The following ZNF804B variants were observed in gnomAD, a reference collection of about 807,000 sequenced individuals.
The protein encoded by ZNF804B is zinc finger 804B.
In ZNF804B, 80 loss-of-function variants were observed where a neutral mutation model predicts 101.4. The observed-to-expected ratio is 0.79, with a 90% CI of 0.66 to 0.95. ZNF804B has a LOEUF of 0.95. ZNF804B is among the 40% of genes least tolerant of loss of function. The probability of loss-of-function intolerance (pLI) is 0.00; values close to 1 mark genes in which losing one functional copy is unlikely to be tolerated. For missense variants in ZNF804B, 1,673 were observed against 1,561.9 expected (o/e 1.07, Z -1.20); for synonymous variants, 622 against 558.8 (o/e 1.11, Z -1.59).
At chr7:89,045,387 C>T (rs1789089674) in intron 1 of ZNF804B, among the ~76,000 whole-genome samples, 1 of 152,194 alleles carries the variant, frequency 6.6e-6, no homozygotes, top group Non-Finnish European at 1.5e-5. Context: ...CCTAGTAGAG[C>T]TGTTAGAAAA....
rs543127229 is a variant in ZNF804B, at chr7:89,333,578, T to C, written c.596T>C (p.Phe199Ser). Reference sequence around the variant, plus strand: ...TTACAATCAGACAGGCGTTGTTTGTTTGGAAATCAGGTACTGCAAACATCT... The same window carrying C: ...TTACAATCAGACAGGCGTTGTTTGTCTGGAAATCAGGTACTGCAAACATCT... ...HQLQSDRRCL[F>S]GNQVLQTSSD... The change falls in exon 4 of 4, where the codon TTT becomes TCT. Residue 199 changes from phenylalanine (F) to serine (S), a missense_variant. Physicochemically the swap from Phe to Ser is radical, Grantham distance 155. Coordinates refer to ENST00000333190, the MANE Select transcript of ZNF804B (RefSeq NM_181646.5). 7 of 1,613,534 alleles carry C rather than the reference T, an allele frequency of 4.3e-6. 1 individual carries two copies. In the South Asian group the frequency reaches 7.7e-5, roughly 18 times the overall value.
At chr7:89,272,531 G>A (rs764880182) in intron 2 of ZNF804B, among the ~76,000 whole-genome samples, 39 of 152,040 alleles carry the variant, frequency 2.6e-4, no homozygotes, top group Non-Finnish European at 4.4e-4. Context: ...CAAAACAAAG[G>A]TAATTGAAGT....
At chr7:89,295,099 C>T (rs1790361111) in intron 2 of ZNF804B, among the ~76,000 whole-genome samples, 1 of 152,106 alleles carries the variant, frequency 6.6e-6, no homozygotes, top group African/African-American at 2.4e-5. Context: ...ATATACCTTT[C>T]CTGCCTCTGC....
chr7:88,998,782 G>A (rs566253988), intron 1 of ZNF804B, among the ~76,000 whole-genome samples: 17 of 152,078 alleles, frequency 1.1e-4, no homozygotes, highest in Non-Finnish European at 2.4e-4. Flanking sequence ...TACAATACGG[G>A]ATAATTGGGC....
At chr7:89,244,553 ACT>A (rs912516393) in intron 2 of ZNF804B, among the ~76,000 whole-genome samples, 8 of 152,262 alleles carry the variant, frequency 5.3e-5, no homozygotes, top group African/African-American at 1.9e-4. Flanking sequence ...AAAAGCTGTA[ACT>A]CTGAGTGAAA....
chr7:89,097,650 TATA>T (rs1339084074), intron 1 of ZNF804B, among the ~76,000 whole-genome samples: 1 of 152,112 alleles, frequency 6.6e-6, no homozygotes, highest in African/African-American at 2.4e-5. Context: ...TTAATAGAAA[TATA>T]ATAATAGTGT....
intron 1 of ZNF804B, among the ~76,000 whole-genome samples, chr7:89,144,018 A>T (rs1790753575): frequency 6.6e-6 from 1 of 152,120 alleles, no homozygotes; most frequent in Admixed American, 6.6e-5. Context: ...TTTTCTAAAA[A>T]GTGTCTAGTC....
chr7:88,920,976 T>A (rs1033116530), intron 1 of ZNF804B, among the ~76,000 whole-genome samples: 15 of 152,066 alleles, frequency 9.9e-5, no homozygotes, highest in African/African-American at 3.4e-4. Flanking sequence ...AGTTGTGATA[T>A]CATGGAAAAG....
At chr7:88,766,237 G>C (rs1012936918) in intron 1 of ZNF804B, among the ~76,000 whole-genome samples, 1 of 152,160 alleles carries the variant, frequency 6.6e-6, no homozygotes, top group Non-Finnish European at 1.5e-5. Flanking sequence ...TTGAGCCCAG[G>C]AGCTGGAGGC....
At chr7:88,995,807 C>CT (rs1311102007) in intron 1 of ZNF804B, among the ~76,000 whole-genome samples, 1 of 151,930 alleles carries the variant, frequency 6.6e-6, no homozygotes, top group Admixed American at 6.6e-5. Context: ...TAATATATGC[C>CT]TTTGTTATGT....
intron 2 of ZNF804B, among the ~76,000 whole-genome samples, chr7:89,316,076 CA>C (rs1475640088): frequency 6.6e-6 from 1 of 152,060 alleles, no homozygotes; most frequent in Non-Finnish European, 1.5e-5. Flanking sequence ...CAAAACTAAG[CA>C]TGTGACTTAA....
intron 2 of ZNF804B, among the ~76,000 whole-genome samples, chr7:89,225,241 G>T (rs1789070796): frequency 6.6e-6 from 1 of 152,074 alleles, no homozygotes; most frequent in East Asian, 1.9e-4. Context: ...CAAGAACTTT[G>T]TGAGCTGGTT....
At chr7:89,083,964 A>T (rs1789735987) in intron 1 of ZNF804B, among the ~76,000 whole-genome samples, 1 of 151,908 alleles carries the variant, frequency 6.6e-6, no homozygotes, top group East Asian at 1.9e-4. Flanking sequence ...GGGTTAATTT[A>T]CAAAGCCTCA....
At chr7:88,943,769 A>T (rs917573660) in intron 1 of ZNF804B, among the ~76,000 whole-genome samples, 1 of 151,798 alleles carries the variant, frequency 6.6e-6, no homozygotes, top group Non-Finnish European at 1.5e-5. Context: ...CCCCTGGAAA[A>T]CACAGATCTG....
At chr7:88,882,503 C>T (rs1004112939) in intron 1 of ZNF804B, among the ~76,000 whole-genome samples, 4 of 152,038 alleles carry the variant, frequency 2.6e-5, no homozygotes, top group Admixed American at 2.6e-4. Flanking sequence ...TCCATTTGAC[C>T]CAGCAATCTC....
chr7:89,204,952 T>A (rs1389548075), intron 1 of ZNF804B, among the ~76,000 whole-genome samples: 1 of 152,184 alleles, frequency 6.6e-6, no homozygotes, highest in Non-Finnish European at 1.5e-5. Context: ...TACCCAAGAC[T>A]GGATGATTTA....
At chr7:88,975,069 T>C (rs1793597347) in intron 1 of ZNF804B, among the ~76,000 whole-genome samples, 1 of 151,532 alleles carries the variant, frequency 6.6e-6, no homozygotes, top group African/African-American at 2.4e-5. Context: ...CTTAAAATAA[T>C]GTCTTCCAGT....
intron 1 of ZNF804B, among the ~76,000 whole-genome samples, chr7:89,101,702 TTATG>T (rs1442815769): frequency 2.6e-5 from 4 of 151,992 alleles, no homozygotes; most frequent in Admixed American, 2.0e-4. Context: ...ACAAATTTAT[TTATG>T]TATTCATTTA....
chr7:88,836,230 T>C (rs1383059530), intron 1 of ZNF804B, among the ~76,000 whole-genome samples: 1 of 151,964 alleles, frequency 6.6e-6, no homozygotes, highest in East Asian at 1.9e-4. Context: ...CTTCATTTTC[T>C]AGTAGATAAA....
Sources: allele counts gnomAD v4.1 joint callset (sites outside exome capture counted in the v4.1 genomes callset), GRCh38; gene constraint gnomAD v4.1.1; transcripts MANE v1.5; gene names NCBI Gene and HGNC (gene_info 2026-07-23, HGNC 2026-07-21).